Variants in LTBP1 observed in about 807,000 individuals in gnomAD.
LTBP1 encodes latent transforming growth factor beta binding protein 1.
Under a neutral mutation model 207.6 loss-of-function variants are expected in LTBP1, and 129 were observed. The ratio of observed to expected loss-of-function variants is 0.62; its 90% CI spans 0.54 to 0.72. The LOEUF (loss-of-function observed/expected upper bound fraction) is 0.72. Ranked by LOEUF, LTBP1 falls within the 30% of genes least tolerant of loss-of-function variation. The pLI, the probability that LTBP1 is intolerant of heterozygous loss-of-function variation, is 0.00. For missense variants in LTBP1, 2,281 were observed against 2,217.2 expected (o/e 1.03, Z -0.58); for synonymous variants, 963 against 833.7 (o/e 1.16, Z -2.67).
At chr2:33,368,934 T>C (rs1367729107) in intron 31 of LTBP1, among the ~76,000 whole-genome samples, 2 of 152,184 alleles carry the variant, frequency 1.3e-5, no homozygotes, top group African/African-American at 2.4e-5. Context: ...CTCAATTTAA[T>C]TGACTAGGTT....
chr2:33,028,759 A>G (rs1344122915), intron 3 of LTBP1, among the ~76,000 whole-genome samples: 1 of 152,166 alleles, frequency 6.6e-6, no homozygotes, highest in Non-Finnish European at 1.5e-5. Context: ...TGATCAGACC[A>G]TATTTAATTT....
rs1362654851 is a variant in LTBP1 at position 33,188,753 on chromosome 2, C to T, written c.1603C>T (p.His535Tyr). Residue 535 changes from histidine to tyrosine, a missense_variant, in exon 7 of 34, where the codon CAT (histidine) becomes TAT (tyrosine). Physicochemically the swap from His to Tyr is moderately conservative, Grantham distance 83 (BLOSUM62 2). Around this residue, in one of 3 missense-constraint regions of LTBP1, gnomAD observed 1,671 missense variants for 1,634.8 expected, o/e 1.02. Transcript: ENST00000404816. ...TCCTGTCCAGAAGACCCAGACCATA[C>T]ATTCCACATACTCCCACCAGCAGGT... is the stretch of plus-strand genomic sequence containing the variant. ...GLPVQKTQTI[H>Y]STYSHQQVIP... 1.9e-6 allele frequency: 3 copies of T among 1,614,074 alleles called. No homozygotes were observed. Among genetic ancestry groups the T allele is most frequent in the Non-Finnish European group, 2.5e-6 (3 of 1,180,042 alleles).
At chr2:33,031,263 A>C (rs1407649067) in intron 3 of LTBP1, among the ~76,000 whole-genome samples, 2 of 152,198 alleles carry the variant, frequency 1.3e-5, no homozygotes, top group East Asian at 3.8e-4. Flanking sequence ...CATAAATCGT[A>C]ATATACTACT....
At chr2:33,019,958 C>T (rs913563088) in intron 2 of LTBP1, among the ~76,000 whole-genome samples, 2 of 151,278 alleles carry the variant, frequency 1.3e-5, no homozygotes, top group Admixed American at 1.3e-4. Flanking sequence ...AAGCGATCCT[C>T]CCACCATGAC....
chr2:32,999,530 C>T (rs1482032016), intron 2 of LTBP1, among the ~76,000 whole-genome samples: 2 of 133,658 alleles, frequency 1.5e-5, no homozygotes, highest in African/African-American at 5.2e-5. Context: ...TCTGCTCTTC[C>T]ACCATCCCAG....
intron 31 of LTBP1, among the ~76,000 whole-genome samples, chr2:33,376,954 T>C (rs2095147831): frequency 6.6e-6 from 1 of 152,040 alleles, no homozygotes; most frequent in Non-Finnish European, 1.5e-5. Context: ...AATTGTGTGT[T>C]TTTAAAAAAT....
intron 26 of LTBP1, among the ~76,000 whole-genome samples, chr2:33,357,546 A>C (rs2094878643): frequency 6.6e-6 from 1 of 152,186 alleles, no homozygotes; most frequent in South Asian, 2.1e-4. Context: ...ATTTACCAGC[A>C]CCTTCTATCT....
At chr2:32,976,389 G>T (rs1047348231) in intron 2 of LTBP1, among the ~76,000 whole-genome samples, 1 of 152,192 alleles carries the variant, frequency 6.6e-6, no homozygotes, top group Non-Finnish European at 1.5e-5. Flanking sequence ...GTGCACATGT[G>T]TTGGTTGGGG....
At chr2:33,091,536 A>G (rs1379381961) in intron 3 of LTBP1, among the ~76,000 whole-genome samples, 1 of 152,100 alleles carries the variant, frequency 6.6e-6, no homozygotes, top group Non-Finnish European at 1.5e-5. Flanking sequence ...TCTCTCTTTT[A>G]TCTTTGTATC....
At chr2:33,207,338 C>G (rs1483395115) in intron 7 of LTBP1, among the ~76,000 whole-genome samples, 1 of 152,014 alleles carries the variant, frequency 6.6e-6, no homozygotes, top group Non-Finnish European at 1.5e-5. Flanking sequence ...AACAAATACA[C>G]TGTCAGAAAT....
At chr2:33,067,955 C>T (rs2077602607) in intron 3 of LTBP1, among the ~76,000 whole-genome samples, 7 of 151,898 alleles carry the variant, frequency 4.6e-5, no homozygotes, top group Admixed American at 4.6e-4. Flanking sequence ...AGCAACATAC[C>T]AAAAGGAGGA....
chr2:33,284,781 G>A (rs190069435), intron 19 of LTBP1, among the ~76,000 whole-genome samples: 5 of 152,274 alleles, frequency 3.3e-5, no homozygotes, highest in Admixed American at 3.3e-4. Flanking sequence ...GACAGAGTTT[G>A]GGCTACATGA....
chr2:33,337,920 A>T (rs1195963567), intron 24 of LTBP1, among the ~76,000 whole-genome samples: 1 of 152,172 alleles, frequency 6.6e-6, no homozygotes, highest in Admixed American at 6.6e-5. Context: ...CTCTAGAATT[A>T]CTCGTATTTG....
intron 3 of LTBP1, among the ~76,000 whole-genome samples, chr2:33,057,315 A>G (rs778737099): frequency 1.3e-5 from 2 of 152,186 alleles, no homozygotes; most frequent in Non-Finnish European, 2.9e-5. Context: ...CTTACTAGAC[A>G]TAAAGGTTCT....
intron 3 of LTBP1, among the ~76,000 whole-genome samples, chr2:33,098,155 G>A (rs2079500680): frequency 6.6e-6 from 1 of 152,178 alleles, no homozygotes; most frequent in African/African-American, 2.4e-5. Flanking sequence ...AGCAAGGTGA[G>A]TGCAAATGTA....
At chr2:33,364,899 T>C (rs1287227769) in intron 30 of LTBP1, among the ~76,000 whole-genome samples, 1 of 152,206 alleles carries the variant, frequency 6.6e-6, no homozygotes, top group African/African-American at 2.4e-5. Context: ...TTAAAGACTC[T>C]AGGATGAAGG....
chr2:33,026,587 C>T (rs527304890), intron 3 of LTBP1, among the ~76,000 whole-genome samples: 22 of 152,048 alleles, frequency 1.4e-4, no homozygotes, highest in Non-Finnish European at 2.6e-4. Context: ...GTCTGCCCAA[C>T]GAGTCTGTGA....
intron 23 of LTBP1, among the ~76,000 whole-genome samples, chr2:33,311,428 A>G (rs1393267004): frequency 6.6e-6 from 1 of 152,098 alleles, no homozygotes; most frequent in Non-Finnish European, 1.5e-5. Context: ...CTTAATGCAA[A>G]AGAGAAGGAA....
chr2:32,954,317 G>T (rs1677691412), intron 2 of LTBP1, among the ~76,000 whole-genome samples: 1 of 152,210 alleles, frequency 6.6e-6, no homozygotes, highest in Admixed American at 6.5e-5. Context: ...GGGTGACTTA[G>T]AACGATAGAA....
Sources: gnomAD v4.1 joint callset for allele counts (sites outside exome capture counted in the v4.1 genomes callset) on GRCh38, gnomAD v4.1.1 for gene constraint, gnomAD v4.1.1 regional missense constraint, MANE v1.5 for transcripts, NCBI Gene and HGNC (gene_info 2026-07-23, HGNC 2026-07-21) for gene names.